Variants in MCPH1 observed in about 807,000 individuals in gnomAD.
MCPH1 encodes the protein microcephalin 1.
In MCPH1, 104 loss-of-function variants were observed where a neutral mutation model predicts 84.5. That is an observed-to-expected ratio of 1.23 (90% CI 1.05 to 1.45). The LOEUF (loss-of-function observed/expected upper bound fraction) is 1.45. Ranked by LOEUF, MCPH1 falls within the 40% of genes most tolerant of loss-of-function variation. MCPH1 has a pLI of 0.00. For synonymous variants in MCPH1, 514 were observed against 366.8 expected (o/e 1.40, Z -4.58); for missense variants, 1,498 against 1,005.7 (o/e 1.49, Z -6.62).
intron 3 of MCPH1, among the ~76,000 whole-genome samples, chr8:6,422,113 T>C (rs1800293369): frequency 6.6e-6 from 1 of 152,252 alleles, no homozygotes; most frequent in African/African-American, 2.4e-5. Context: ...TTGACTGCTT[T>C]ATCTGTCTGT....
At chr8:6,583,153 G>T (rs1013387025) in intron 12 of MCPH1, among the ~76,000 whole-genome samples, 2 of 152,022 alleles carry the variant, frequency 1.3e-5, no homozygotes, top group African/African-American at 4.8e-5. Context: ...AGAGGCCTGA[G>T]AATTTTCTTT....
At chr8:6,503,136 C>T (rs1339085934) in intron 12 of MCPH1, 4 of 1,614,146 alleles carry the variant, frequency 2.5e-6, no homozygotes, top group African/African-American at 2.7e-5. Flanking sequence ...ATGGTTGTGG[C>T]CTTGAGCGAA....
intron 9 of MCPH1, among the ~76,000 whole-genome samples, chr8:6,459,099 G>T (rs1735853856): frequency 6.6e-6 from 1 of 152,298 alleles, no homozygotes; most frequent in South Asian, 2.1e-4. Flanking sequence ...GTGGAATTGT[G>T]GAAGGATTGA....
intron 4 of MCPH1, among the ~76,000 whole-genome samples, chr8:6,435,653 G>C (rs75268995): frequency 6.6e-6 from 1 of 152,132 alleles, no homozygotes; most frequent in African/African-American, 2.4e-5. Context: ...CTCAAGTGAC[G>C]TAACTTGCAA....
At chr8:6,502,844 G>T (rs898091946) in intron 12 of MCPH1, 1 of 449,460 alleles carries the variant, frequency 2.2e-6, no homozygotes, top group East Asian at 3.8e-5. Flanking sequence ...CTGATTCTCA[G>T]CCTCGGGTTC....
intron 2 of MCPH1, among the ~76,000 whole-genome samples, chr8:6,412,292 C>A (rs564496407): frequency 6.6e-6 from 1 of 152,276 alleles, no homozygotes; most frequent in East Asian, 1.9e-4. Context: ...GGAGGAACTA[C>A]TGTGAATAAG....
intron 11 of MCPH1, among the ~76,000 whole-genome samples, chr8:6,492,207 T>G (rs1257107166): frequency 1.3e-5 from 2 of 152,234 alleles, no homozygotes; most frequent in Non-Finnish European, 2.9e-5. Context: ...TGGTTTTAAT[T>G]TGCATTTCTC....
chr8:6,640,235 T>C (rs1028257584), intron 13 of MCPH1, among the ~76,000 whole-genome samples: 9 of 152,088 alleles, frequency 5.9e-5, no homozygotes, highest in African/African-American at 1.4e-4. Context: ...TAAAATACAT[T>C]CCAAGCAGTG....
At chr8:6,562,689 C>T (rs1462960330) in intron 12 of MCPH1, 2 of 1,606,556 alleles carry the variant, frequency 1.2e-6, no homozygotes, top group South Asian at 2.2e-5. Flanking sequence ...TGTTCTCCAG[C>T]ACTTGCAGCC....
chr8:6,462,029 C>T (rs1354588523), intron 9 of MCPH1, among the ~76,000 whole-genome samples: 1 of 152,202 alleles, frequency 6.6e-6, no homozygotes, highest in Non-Finnish European at 1.5e-5. Context: ...TTGGAGCCAT[C>T]TCTGCCAATC....
chr8:6,437,782 A>G (rs900565742), intron 5 of MCPH1, among the ~76,000 whole-genome samples: 2 of 152,102 alleles, frequency 1.3e-5, no homozygotes, highest in Admixed American at 1.3e-4. Context: ...CATCAAGACC[A>G]TGGCCCTGCT....
intron 3 of MCPH1, among the ~76,000 whole-genome samples, chr8:6,429,565 C>T (rs1801541634): frequency 6.6e-6 from 1 of 151,860 alleles, no homozygotes; most frequent in Non-Finnish European, 1.5e-5. Flanking sequence ...TTTCCCCAGA[C>T]AGCTCTTATC....
At chr8:6,552,206 C>T (rs184965463) in intron 12 of MCPH1, among the ~76,000 whole-genome samples, 1 of 152,190 alleles carries the variant, frequency 6.6e-6, no homozygotes, top group Admixed American at 6.5e-5. Context: ...CATTTAGTTC[C>T]TGCCTTCTTC....
chr8:6,571,470 GTC>G (rs1554460004), intron 12 of MCPH1, among the ~76,000 whole-genome samples: 1 of 152,118 alleles, frequency 6.6e-6, no homozygotes, highest in Non-Finnish European at 1.5e-5. Flanking sequence ...AATATGTCCA[GTC>G]TCTTTGTCAT....
At chr8:6,436,571 G>T (rs190249479) in intron 5 of MCPH1, among the ~76,000 whole-genome samples, 1 of 151,882 alleles carries the variant, frequency 6.6e-6, no homozygotes. Context: ...TTATTTTAGT[G>T]ATTTGGGAAA....
chr8:6,547,767 A>C (rs137857846), intron 12 of MCPH1, among the ~76,000 whole-genome samples: 14 of 152,294 alleles, frequency 9.2e-5, no homozygotes, highest in African/African-American at 2.9e-4. Context: ...CGGTGGGAAC[A>C]AAAGCTCCCA....
intron 12 of MCPH1, among the ~76,000 whole-genome samples, chr8:6,580,879 C>T (rs1254027603): frequency 6.6e-6 from 1 of 152,180 alleles, no homozygotes; most frequent in African/African-American, 2.4e-5. Flanking sequence ...GATTCATAGT[C>T]AATGATTATG....
intron 3 of MCPH1, among the ~76,000 whole-genome samples, chr8:6,418,425 C>T (rs771816560): frequency 2.0e-5 from 3 of 152,096 alleles, no homozygotes; most frequent in Non-Finnish European, 2.9e-5. Flanking sequence ...ATTTCCAGGA[C>T]GTATAGCTTA....
At chr8:6,423,461 G>A (rs963798315) in intron 3 of MCPH1, among the ~76,000 whole-genome samples, 4 of 152,030 alleles carry the variant, frequency 2.6e-5, no homozygotes, top group Admixed American at 6.5e-5. Flanking sequence ...CCCTGCGCCC[G>A]GCCCATACAC....
Sources: allele counts gnomAD v4.1 joint callset (sites outside exome capture counted in the v4.1 genomes callset), GRCh38; gene constraint gnomAD v4.1.1; transcripts MANE v1.5; gene names NCBI Gene and HGNC (gene_info 2026-07-23, HGNC 2026-07-21).